Variants in SCLT1 observed in about 807,000 individuals in gnomAD.
SCLT1 encodes the protein sodium channel and clathrin linker 1.
SCLT1 carries 78 observed loss-of-function variants against 112.8 expected under a neutral mutation model. That is an observed-to-expected ratio of 0.69 (90% confidence interval 0.58 to 0.83). The LOEUF is 0.83. Among genes scored for constraint, SCLT1 ranks in the 40% least tolerant of loss-of-function variants. The pLI is 0.00. For missense variants in SCLT1, 747 were observed against 770.4 expected, an observed-to-expected ratio of 0.97 and a Z score of 0.36; for synonymous variants, 257 against 254.7, an observed-to-expected ratio of 1.01 and a Z score of -0.09.
chr4:128,890,402 TCCTCAA>T (rs1452985725), intron 19 of SCLT1, among the ~76,000 whole-genome samples: 1 of 152,182 alleles, frequency 6.6e-6, no homozygotes, highest in Non-Finnish European at 1.5e-5. Flanking sequence ...CAATGGCTAT[TCCTCAA>T]TTAACTTCTA....
At position 128,927,524 on chromosome 4, in the gene SCLT1, G is replaced by A. The variant is rs1237822160; in HGVS notation, c.1829+9131C>T. Among the ~76,000 whole-genome samples the A allele has an allele frequency of 2.6e-5, 4 of 151,744 alleles. No individual in the cohort carries two copies. The South Asian group carries it at 6.2e-4, about 24-fold the overall frequency. On this transcript the variant is annotated intron_variant, in intron 18 of 20. Transcript: ENST00000281142. ...TGGGAGGTGGAGGTTGCAGTGAGCC[G>A]AGATTGTGCCACTGCATATCAGCCT...
chr4:128,977,198 C>A (rs756895507), intron 9 of SCLT1, among the ~76,000 whole-genome samples: 1 of 152,118 alleles, frequency 6.6e-6, no homozygotes, highest in Non-Finnish European at 1.5e-5. Context: ...ATTCTTTGAA[C>A]AAATATTTAT....
chr4:128,898,651 G>A (rs1177707475), intron 18 of SCLT1, among the ~76,000 whole-genome samples: 1 of 152,188 alleles, frequency 6.6e-6, no homozygotes, highest in African/African-American at 2.4e-5. Context: ...AAAGCTAGCA[G>A]ATGGCAAGAA....
chr4:128,978,989 T>A lies in SCLT1; in HGVS notation c.687-8521A>T, dbSNP rs574244161. Among the ~76,000 whole-genome samples the A allele has an allele frequency of 3.3e-5, 5 of 152,198 alleles. No individual in the cohort carries two copies. The South Asian group carries it at 1.0e-3, about 32-fold the overall frequency. ...TTTCCCAGGTCTGGGGGGTAAATAA[T>A]CCACTATTTATTACAATGTTAATAA... On this transcript the variant is annotated intron_variant, in intron 9 of 20. Coordinates refer to ENST00000281142, the MANE Select transcript of SCLT1 (RefSeq NM_144643.4).
chr4:129,016,055 T>C (rs1250832623), intron 5 of SCLT1, among the ~76,000 whole-genome samples: 2 of 152,234 alleles, frequency 1.3e-5, no homozygotes, highest in Non-Finnish European at 2.9e-5. Context: ...CTCATTTCCA[T>C]TGTATTTTTT....
intron 9 of SCLT1, among the ~76,000 whole-genome samples, chr4:128,976,234 G>A (rs1741166116): frequency 6.6e-6 from 1 of 152,120 alleles, no homozygotes; most frequent in African/African-American, 2.4e-5. Flanking sequence ...CATTCAGGAC[G>A]TCTGCAAGCA....
At chr4:129,073,863 T>C (rs1004158711) in intron 2 of SCLT1, among the ~76,000 whole-genome samples, 1 of 152,188 alleles carries the variant, frequency 6.6e-6, no homozygotes, top group Non-Finnish European at 1.5e-5. Flanking sequence ...ATACATTATA[T>C]AAACTGAAAT....
At chr4:128,928,537 G>C (rs950201365) in intron 18 of SCLT1, among the ~76,000 whole-genome samples, 1 of 151,866 alleles carries the variant, frequency 6.6e-6, no homozygotes, top group African/African-American at 2.4e-5. Context: ...TGCAGCAAAA[G>C]CTTTTATAAA....
intron 2 of SCLT1, among the ~76,000 whole-genome samples, chr4:129,057,932 A>T (rs921668443): frequency 3.3e-5 from 5 of 151,936 alleles, no homozygotes; most frequent in African/African-American, 7.2e-5. Flanking sequence ...TTGTATTTTT[A>T]GTAAAGACGG....
At chr4:129,009,204 G>A (rs72924140) in intron 5 of SCLT1, among the ~76,000 whole-genome samples, 2,191 of 152,120 alleles carry the variant, frequency 0.014, 48 homozygotes, top group African/African-American at 0.044. Context: ...GGGTTAAATG[G>A]CACTTCTGTT....
chr4:129,013,745 G>A (rs1479888309), intron 5 of SCLT1, among the ~76,000 whole-genome samples: 1 of 152,002 alleles, frequency 6.6e-6, no homozygotes, highest in African/African-American at 2.4e-5. Flanking sequence ...AAAATTTTTT[G>A]TTTCATTTTG....
intron 16 of SCLT1, 89 bp downstream of exon 16, chr4:128,945,918 C>T: frequency 1.3e-6 from 1 of 789,882 alleles, no homozygotes; most frequent in East Asian, 2.7e-5. Context: ...ATTGTAAGTC[C>T]TACCAAAAAA....
At chr4:129,039,931 C>T (rs543509986) in intron 4 of SCLT1, 2 of 408,708 alleles carry the variant, frequency 4.9e-6, no homozygotes, top group Non-Finnish European at 9.1e-6. Context: ...CACACACACA[C>T]AAAACCCTGA....
At chr4:129,029,584 G>A (rs183717804) in intron 5 of SCLT1, among the ~76,000 whole-genome samples, 13 of 151,408 alleles carry the variant, frequency 8.6e-5, no homozygotes, top group Admixed American at 7.2e-4. Flanking sequence ...GCTAAATGAC[G>A]AGTTAATGGG....
Position 128,937,955 on chromosome 4 carries a change from T to C in SCLT1, c.1633-1104A>G, listed in dbSNP as rs141980268. On this transcript the variant is annotated intron_variant, in intron 17 of 20. Transcript: ENST00000281142. Reference sequence around the variant, plus strand: ...TACCTAAGTACCATTTTTGGGGAAATTGAGAAAAAAGTTACTGCAATATTT... The same window carrying C: ...TACCTAAGTACCATTTTTGGGGAAACTGAGAAAAAAGTTACTGCAATATTT... 1.6e-3 allele frequency among the ~76,000 whole-genome samples: 240 copies of C among 152,234 alleles called. 2 individuals are homozygous for C. The highest frequency in any genetic ancestry group is 0.014 in the East Asian group (70 of 5,180).
intron 9 of SCLT1, among the ~76,000 whole-genome samples, chr4:128,990,569 C>A (rs1197083048): frequency 6.6e-6 from 1 of 151,740 alleles, no homozygotes; most frequent in Non-Finnish European, 1.5e-5. Context: ...TGTTATTCAA[C>A]ACAGTATGAG....
At chr4:129,083,666 G>GAAAAA in intron 1 of SCLT1, among the ~76,000 whole-genome samples, 1 of 142,612 alleles carries the variant, frequency 7.0e-6, no homozygotes, top group Non-Finnish European at 1.5e-5. Flanking sequence ...CTCTATCTCA[G>GAAAAA]AAAAAAAAAA....
At chr4:129,088,781 G>C (rs909820710) in intron 1 of SCLT1, among the ~76,000 whole-genome samples, 2 of 152,150 alleles carry the variant, frequency 1.3e-5, no homozygotes, top group Non-Finnish European at 2.9e-5. Context: ...AAATGGTGCT[G>C]GGAAAACTGG....
intron 5 of SCLT1, among the ~76,000 whole-genome samples, chr4:129,012,130 T>G (rs1245421321): frequency 6.6e-6 from 1 of 152,188 alleles, no homozygotes; most frequent in Non-Finnish European, 1.5e-5. Flanking sequence ...TGTTAGGTTG[T>G]TAACTTGAGA....
Sources: allele counts gnomAD v4.1 joint callset (sites outside exome capture counted in the v4.1 genomes callset), GRCh38; gene constraint gnomAD v4.1.1; transcripts MANE v1.5; gene names NCBI Gene and HGNC (gene_info 2026-07-23, HGNC 2026-07-21).